ZNF611: variants seen among roughly 807,000 people sequenced by gnomAD.
ZNF611 encodes the protein zinc finger protein 611.
A neutral mutation model predicts 8.9 loss-of-function variants in ZNF611; 6 were observed. That is an observed-to-expected ratio of 0.68 (90% CI 0.37 to 1.34). The LOEUF is 1.34. ZNF611 is among the 40% of genes most tolerant of loss of function. The pLI is 0.02. For synonymous variants in ZNF611, 262 were observed against 279.7 expected (o/e 0.94, Z 0.63); for missense variants, 874 against 841.3 (o/e 1.04, Z -0.48).
Position 52,734,536 on chromosome 19 carries a change from CGGG to C in ZNF611, c.-222+462_-222+464del, listed in dbSNP as rs3029477. 3.0e-3 allele frequency among the ~76,000 whole-genome samples: 386 copies of C among 129,386 alleles called. 10 individuals are homozygous for C. Among genetic ancestry groups the C allele is most frequent in the African/African-American group, 9.7e-3 (368 of 37,828 alleles). 84.9% of individuals were successfully genotyped at this position (129,386 alleles called of 152,430 possible). A position where few individuals can be genotyped will look rare whatever the true frequency, so the allele number is the denominator to read the frequency against. ...CCGGCATGAGGAGGAAGGTGCGGGG[CGGG>C]GGGGGGGGGCGCGACGGCGCCTTAG... On this transcript the variant is annotated intron_variant, in intron 1 of 5. Coordinates refer to ENST00000652185, the MANE Select transcript of ZNF611 (RefSeq NM_001161499.2).
chr19:52,727,283 A>G (rs2062399068), intron 3 of ZNF611, among the ~76,000 whole-genome samples: 1 of 152,242 alleles, frequency 6.6e-6, no homozygotes, highest in Non-Finnish European at 1.5e-5. Flanking sequence ...AAGAATAACT[A>G]TTTTATTAAT....
intron 3 of ZNF611, among the ~76,000 whole-genome samples, chr19:52,725,896 C>G (rs1038537180): frequency 3.7e-4 from 56 of 152,288 alleles, no homozygotes; most frequent in Non-Finnish European, 5.3e-4. Flanking sequence ...GGGCCGGGAC[C>G]GGACCTGTGC....
intron 5 of ZNF611, among the ~76,000 whole-genome samples, chr19:52,709,727 C>G (rs1458988274): frequency 6.6e-6 from 1 of 152,010 alleles, no homozygotes; most frequent in Non-Finnish European, 1.5e-5. Context: ...GCCACCACTC[C>G]CGGCTAATTT....
intron 1 of ZNF611, among the ~76,000 whole-genome samples, chr19:52,734,236 C>T (rs1453691650): frequency 1.3e-5 from 2 of 149,752 alleles, no homozygotes; most frequent in African/African-American, 2.5e-5. Context: ...TATCCCTCAC[C>T]AATCCTCTAT....
At position 52,704,523 on chromosome 19, in the gene ZNF611, A is replaced by G. The variant is rs2062225909; in HGVS notation, c.*414T>C. On this transcript the variant is annotated 3_prime_UTR_variant, in exon 6 of 6. Transcript: ENST00000652185. ...CCTTGGCACAGTCATGACATTTGTA[A>G]GGTTTCTCTCCAGTATGAGTTCACC... The G allele has an allele frequency of 1.8e-6, 2 of 1,134,558 alleles. No individual in the cohort carries two copies. The highest frequency in any genetic ancestry group is 2.6e-6 in the Non-Finnish European group (2 of 760,218). 70.3% of individuals were successfully genotyped at this position (1,134,558 alleles called of 1,614,324 possible). A position where few individuals can be genotyped will look rare whatever the true frequency, so the allele number is the denominator to read the frequency against.
chr19:52,725,309 C>G (rs773804788), intron 3 of ZNF611, among the ~76,000 whole-genome samples: 10 of 152,176 alleles, frequency 6.6e-5, no homozygotes, highest in Admixed American at 2.6e-4. Flanking sequence ...GTGGCACCTG[C>G]AGGCTCCCAG....
intron 3 of ZNF611, among the ~76,000 whole-genome samples, chr19:52,726,926 T>C (rs1256168601): frequency 6.6e-6 from 1 of 152,134 alleles, no homozygotes; most frequent in African/African-American, 2.4e-5. Flanking sequence ...GGTGCAGTTG[T>C]GAGATCATGG....
At chr19:52,713,633 T>G (rs2062294893) in intron 5 of ZNF611, among the ~76,000 whole-genome samples, 1 of 152,214 alleles carries the variant, frequency 6.6e-6, no homozygotes, top group Admixed American at 6.5e-5. Flanking sequence ...GGCTCACGCC[T>G]GTAATCCCAG....
intron 3 of ZNF611, among the ~76,000 whole-genome samples, chr19:52,719,907 T>A (rs979184679): frequency 6.6e-6 from 1 of 152,210 alleles, no homozygotes; most frequent in Non-Finnish European, 1.5e-5. Context: ...TAGGCAGAGG[T>A]CCCTGCGGCC....
At chr19:52,710,716 G>A (rs1205036497) in intron 5 of ZNF611, among the ~76,000 whole-genome samples, 5 of 152,132 alleles carry the variant, frequency 3.3e-5, no homozygotes, top group Admixed American at 6.6e-5. Flanking sequence ...AGGAAAGGGG[G>A]CATCTCATCA....
rs1568599411 is a variant in ZNF611, at chr19:52,705,805, C to T, written c.1250G>A (p.Arg417Lys). 2 of 1,613,620 alleles carry T rather than the reference C, an allele frequency of 1.2e-6. No homozygotes were observed. The highest frequency in any genetic ancestry group is 2.7e-5 in the African/African-American group (2 of 74,890). ...FTWHSQLARH[R>K]RIHTAKKTYK... ...AGTTTTCTTTGCAGTATGAATTCTTCTATGTCGAGCCAGCTGTGAATGCCA... is the reference window on the plus strand; with the variant it reads ...AGTTTTCTTTGCAGTATGAATTCTTTTATGTCGAGCCAGCTGTGAATGCCA... The change falls in exon 6 of 6, where the codon AGA (arginine) becomes AAA (lysine). Residue 417 changes from arginine to lysine, a missense_variant. By Grantham distance (26) the Arg-to-Lys change is conservative. Coordinates refer to ENST00000652185, the MANE Select transcript of ZNF611 (RefSeq NM_001161499.2).
chr19:52,727,437 G>A (rs2062399905), intron 3 of ZNF611, among the ~76,000 whole-genome samples: 1 of 151,702 alleles, frequency 6.6e-6, no homozygotes, highest in Non-Finnish European at 1.5e-5. Flanking sequence ...CAGGGAAGAG[G>A]ACTTGAAAAG....
intron 3 of ZNF611, among the ~76,000 whole-genome samples, chr19:52,716,559 G>T (rs990477272): frequency 1.3e-5 from 2 of 152,120 alleles, no homozygotes; most frequent in African/African-American, 4.8e-5. Context: ...TAATCACACA[G>T]AACAGGCAAT....
rs1361198968 is a variant in ZNF611, at chr19:52,705,459, A to G, written c.1596T>C (p.His532=). The G allele has an allele frequency of 2.5e-6, 4 of 1,614,200 alleles. No homozygotes were observed. Among genetic ancestry groups the G allele is most frequent in the African/African-American group, 2.7e-5 (2 of 75,056 alleles). ...KSSLETHKIG[H]TGEKPYKCKV... ...TACATTTGTATGGTTTCTCTCCAGT[A>G]TGACCTATCTTATGTGTCTCAAGGC... Residue 532 remains histidine, a synonymous_variant, in exon 6 of 6, where the codon CAT becomes CAC. Coordinates refer to ENST00000652185, the MANE Select transcript of ZNF611 (RefSeq NM_001161499.2).
In ZNF611 at chr19:52,706,282, T is replaced by C; in HGVS notation, c.773A>G (p.Gln258Arg). 6.2e-7 allele frequency: 1 copy of C among 1,614,144 alleles called. No homozygotes were observed. Among genetic ancestry groups the C allele is most frequent in the Non-Finnish European group, 8.5e-7 (1 of 1,180,010 alleles). ...CTTGCCACATACATCACATTTATAT[T>C]GTTTGTCTCCTAAATGGGGTATCTG... is the stretch of plus-strand genomic sequence containing the variant. ...KHQIPHLGDK[Q>R]YKCDVCGKLF... The change falls in exon 6 of 6, where the codon CAA (glutamine) becomes CGA (arginine). Residue 258 changes from glutamine to arginine, a missense_variant. By Grantham distance (43) the Gln-to-Arg change is conservative (BLOSUM62 1). Coordinates refer to ENST00000652185, the MANE Select transcript of ZNF611 (RefSeq NM_001161499.2).
At chr19:52,720,148 A>G (rs1165721053) in intron 3 of ZNF611, among the ~76,000 whole-genome samples, 3 of 152,234 alleles carry the variant, frequency 2.0e-5, no homozygotes, top group Non-Finnish European at 2.9e-5. Flanking sequence ...AGAACAAAAT[A>G]GAGTCTCCTA....
chr19:52,714,490 C>T (rs566857537), intron 4 of ZNF611, among the ~76,000 whole-genome samples: 30 of 151,720 alleles, frequency 2.0e-4, no homozygotes, highest in Admixed American at 9.2e-4. Flanking sequence ...GAGTTCGAGA[C>T]CAGCCTGGCC....
At chr19:52,733,735 C>A (rs546189291) in intron 1 of ZNF611, among the ~76,000 whole-genome samples, 1 of 151,760 alleles carries the variant, frequency 6.6e-6, no homozygotes, top group Non-Finnish European at 1.5e-5. Flanking sequence ...GTACCCCTCT[C>A]CTCTCCTGCT....
At position 52,704,428 on chromosome 19, in the gene ZNF611, T is replaced by C. The variant is rs1357000111; in HGVS notation, c.*509A>G. ...TGAAGCAAAGGCTTTGCCACAATCA[T>C]CACACTTGTGAGGTTTCTCTCCTGT... On this transcript the variant is annotated 3_prime_UTR_variant, in exon 6 of 6. Transcript: ENST00000652185. 1.3e-5 allele frequency: 9 copies of C among 706,938 alleles called. No homozygotes were observed. The highest frequency in any genetic ancestry group is 2.4e-5 in the Non-Finnish European group (9 of 380,058). 43.8% of individuals were successfully genotyped at this position (706,938 alleles called of 1,614,324 possible). A position where few individuals can be genotyped will look rare whatever the true frequency, so the allele number is the denominator to read the frequency against.
Sources: gnomAD v4.1 joint callset for allele counts (sites outside exome capture counted in the v4.1 genomes callset) on GRCh38, gnomAD v4.1.1 for gene constraint, MANE v1.5 for transcripts, NCBI Gene and HGNC (gene_info 2026-07-23, HGNC 2026-07-21) for gene names.